Variants in BLM observed in about 807,000 individuals in gnomAD.
BLM encodes recQ-like DNA helicase BLM.
BLM carries 95 observed loss-of-function variants against 135.3 expected under a neutral mutation model. That is an observed-to-expected ratio of 0.70 (90% confidence interval 0.59 to 0.83). The LOEUF is 0.83. BLM is among the 40% of genes least tolerant of loss of function. The pLI is 0.00. For missense variants in BLM, 1,518 were observed against 1,663.9 expected (o/e 0.91, Z 1.53); for synonymous variants, 520 against 589.2 (o/e 0.88, Z 1.70).
rs1203309210 is a variant in BLM at position 90,814,492 on chromosome 15, C to G, written c.4077-610C>G. 2.0e-5 allele frequency among the ~76,000 whole-genome samples: 3 copies of G among 152,194 alleles called. No homozygotes were observed. The East Asian group carries it at 5.8e-4, about 29-fold the overall frequency. On this transcript the variant is annotated intron_variant, in intron 21 of 21. Transcript: ENST00000355112. ...CGAGTGGGAGGGAGAGCTGGCAGATCTCTGGGTGTAGGCAGGTGAGCCAGG... is the reference window on the plus strand; with the variant it reads ...CGAGTGGGAGGGAGAGCTGGCAGATGTCTGGGTGTAGGCAGGTGAGCCAGG...
rs1028136094 is a variant in BLM at position 90,759,613 on chromosome 15, C to CT, written c.1088-526dup. Among the ~76,000 whole-genome samples the CT allele has an allele frequency of 1.2e-3, 164 of 135,444 alleles. 2 individuals are homozygous for CT. The highest frequency in any genetic ancestry group is 4.7e-3 in the African/African-American group (155 of 32,988). The allele number at this position is 135,444 out of a possible 152,430, so 88.9% of individuals were successfully genotyped here. The stretch of plus-strand genomic sequence containing the variant: ...CCTTTCTTTCTTTCTTTCTTTCTTT[C>CT]TTTTTTTTGTGAGACAAAGTCTCAC... On this transcript the variant is annotated intron_variant, in intron 5 of 21. Transcript: ENST00000355112.
intron 1 of BLM, among the ~76,000 whole-genome samples, chr15:90,742,073 A>G (rs1432940632): frequency 2.0e-5 from 3 of 152,222 alleles, no homozygotes; most frequent in Non-Finnish European, 4.4e-5. Context: ...ATGACATAAA[A>G]TTCTGTCAAA....
At chr15:90,768,750 G>A (rs185126672) in intron 10 of BLM, among the ~76,000 whole-genome samples, 4 of 152,244 alleles carry the variant, frequency 2.6e-5, no homozygotes, top group African/African-American at 9.6e-5. Context: ...TTTCGAGACC[G>A]AGTTTCGGTA....
At chr15:90,737,031 C>A (rs1895236366) in intron 1 of BLM, among the ~76,000 whole-genome samples, 1 of 152,156 alleles carries the variant, frequency 6.6e-6, no homozygotes, top group African/African-American at 2.4e-5. Flanking sequence ...AGTACAAACA[C>A]AAACTAATCT....
At chr15:90,743,575 C>CTA (rs1895424933) in intron 1 of BLM, among the ~76,000 whole-genome samples, 1 of 151,872 alleles carries the variant, frequency 6.6e-6, no homozygotes, top group Non-Finnish European at 1.5e-5. Context: ...GTTGCCCAGG[C>CTA]TATAGTGCAG....
chr15:90,747,642 G>A, intron 2 of BLM, 152 bp downstream of exon 2: 1 of 650,902 alleles, frequency 1.5e-6, no homozygotes, highest in South Asian at 1.8e-5. Flanking sequence ...TAATGGTAGA[G>A]TATGTTTTAG....
intron 8 of BLM, 44 bp from the exon 9 acceptor site, chr15:90,765,252 T>C (rs1362179587): frequency 2.1e-6 from 3 of 1,443,384 alleles, no homozygotes. Context: ...ATTCATGCTC[T>C]GAAGACAGAA....
At chr15:90,789,986 T>TG (rs1567056048) in intron 14 of BLM, among the ~76,000 whole-genome samples, 2 of 89,566 alleles carry the variant, frequency 2.2e-5, no homozygotes, top group South Asian at 4.0e-4. Flanking sequence ...CAGTCCCTGG[T>TG]GTTTTTTTTT....
chr15:90,769,105 T>A (rs1219499130), intron 10 of BLM, 28 bp from the exon 11 acceptor site: 3 of 1,510,072 alleles, frequency 2.0e-6, no homozygotes, highest in Non-Finnish European at 1.8e-6. Flanking sequence ...TTCAGTGTTT[T>A]TACATGTCTA....
At chr15:90,747,757 G>T in intron 2 of BLM, 4 of 378,956 alleles carry the variant, frequency 1.1e-5, no homozygotes, top group Non-Finnish European at 1.5e-5. Flanking sequence ...TGTAAATTTG[G>T]GCAAATAAGT....
chr15:90,754,681 T>A, intron 4 of BLM, 130 bp from the exon 5 acceptor site: 1 of 1,115,110 alleles, frequency 9.0e-7, no homozygotes. Context: ...TGAGGAAATT[T>A]AAAAAACTAC....
At chr15:90,746,091 A>G (rs760921689) in intron 1 of BLM, among the ~76,000 whole-genome samples, 1 of 152,216 alleles carries the variant, frequency 6.6e-6, no homozygotes, top group Non-Finnish European at 1.5e-5. Flanking sequence ...AAGAAAACAA[A>G]CAAACAAAAA....
At chr15:90,727,338 AT>A (rs756543486) in intron 1 of BLM, among the ~76,000 whole-genome samples, 21 of 151,656 alleles carry the variant, frequency 1.4e-4, no homozygotes, top group African/African-American at 3.4e-4. Context: ...GATTTGCACT[AT>A]TTTTTTTAAC....
chr15:90,742,555 ACT>A (rs1287192686), intron 1 of BLM, among the ~76,000 whole-genome samples: 1 of 149,118 alleles, frequency 6.7e-6, no homozygotes, highest in Non-Finnish European at 1.5e-5. Flanking sequence ...AAGAAAAGGC[ACT>A]CTTTTTTTCT....
chr15:90,725,705 G>T (rs1266047103), intron 1 of BLM, among the ~76,000 whole-genome samples: 1 of 151,168 alleles, frequency 6.6e-6, no homozygotes, highest in Non-Finnish European at 1.5e-5. Context: ...TAGAGACGGG[G>T]TTTCACTGTG....
At chr15:90,794,629 T>A (rs1257046220) in intron 16 of BLM, among the ~76,000 whole-genome samples, 1 of 151,282 alleles carries the variant, frequency 6.6e-6, no homozygotes, top group Non-Finnish European at 1.5e-5. Flanking sequence ...TTACAGAATA[T>A]TTTAGAAATA....
At chr15:90,794,077 A>T in intron 15 of BLM, 90 bp from the exon 16 acceptor site, 1 of 917,882 alleles carries the variant, frequency 1.1e-6, no homozygotes, top group Non-Finnish European at 1.6e-6. Context: ...TTTAATATTT[A>T]AAGTTATATG....
At chr15:90,733,567 G>C (rs1238681104) in intron 1 of BLM, among the ~76,000 whole-genome samples, 1 of 152,182 alleles carries the variant, frequency 6.6e-6, no homozygotes, top group Non-Finnish European at 1.5e-5. Flanking sequence ...TGATTTAGTT[G>C]TCTGTCTCCA....
chr15:90,762,220 G>C (rs1469207452), intron 7 of BLM: 1 of 152,250 alleles, frequency 6.6e-6, no homozygotes, highest in Non-Finnish European at 1.5e-5. Context: ...CCAGAGTTGC[G>C]ACAGCCAGGC....
Sources: allele counts gnomAD v4.1 joint callset (sites outside exome capture counted in the v4.1 genomes callset), GRCh38; gene constraint gnomAD v4.1.1; transcripts MANE v1.5; gene names NCBI Gene and HGNC (gene_info 2026-07-23, HGNC 2026-07-21).